CCDC7: variants seen among roughly 807,000 people sequenced by gnomAD.
CCDC7 encodes coiled-coil domain-containing protein 7.
CCDC7 carries 183 observed loss-of-function variants against 196.9 expected under a neutral mutation model. That is an observed-to-expected ratio of 0.93 (90% CI 0.82 to 1.05). CCDC7 has a LOEUF of 1.05. CCDC7 is among the 50% of genes least tolerant of loss of function. The pLI, the probability that CCDC7 is intolerant of heterozygous loss-of-function variation, is 0.00. For synonymous variants in CCDC7, 525 were observed against 484.6 expected (o/e 1.08, Z -1.10); for missense variants, 1,540 against 1,482.2 (o/e 1.04, Z -0.64).
intron 41 of CCDC7, among the ~76,000 whole-genome samples, chr10:32,856,613 T>C (rs946844396): frequency 2.0e-5 from 3 of 152,112 alleles, no homozygotes; most frequent in Non-Finnish European, 4.4e-5. Flanking sequence ...GACCTTGCTG[T>C]CACTGCACCT....
chr10:32,682,069 A>T (rs3003972), intron 21 of CCDC7, among the ~76,000 whole-genome samples: 52,106 of 151,980 alleles, frequency 0.34, 11,338 homozygotes, highest in Non-Finnish European at 0.49. Flanking sequence ...GGTTTATTAC[A>T]TGGCTATATT....
intron 28 of CCDC7, among the ~76,000 whole-genome samples, chr10:32,751,959 C>T (rs1380595523): frequency 6.6e-6 from 1 of 152,136 alleles, no homozygotes; most frequent in Non-Finnish European, 1.5e-5. Flanking sequence ...AGGCAGTTCG[C>T]TTGCCTCTGT....
At chr10:32,733,289 G>C (rs2084293647) in intron 28 of CCDC7, among the ~76,000 whole-genome samples, 1 of 152,056 alleles carries the variant, frequency 6.6e-6, no homozygotes, top group Non-Finnish European at 1.5e-5. Flanking sequence ...CAAAACATGA[G>C]AGAAAATATT....
At chr10:32,723,810 G>C (rs187077507) in intron 25 of CCDC7, among the ~76,000 whole-genome samples, 11 of 152,094 alleles carry the variant, frequency 7.2e-5, no homozygotes, top group South Asian at 6.2e-4. Flanking sequence ...ACTCCAAAGG[G>C]CTCTACATTC....
chr10:32,711,866 C>T (rs1205600708), intron 25 of CCDC7, 136 bp downstream of exon 26: 3 of 456,834 alleles, frequency 6.6e-6, no homozygotes, highest in Non-Finnish European at 1.1e-5. Flanking sequence ...TCTAACATAA[C>T]TCAAGAAAGA....
intron 28 of CCDC7, among the ~76,000 whole-genome samples, chr10:32,774,423 C>T (rs187698953): frequency 6.6e-6 from 1 of 152,248 alleles, no homozygotes; most frequent in East Asian, 1.9e-4. Flanking sequence ...ACATTCACCT[C>T]CAATTTCCTC....
At chr10:32,569,988 C>T (rs2057354288) in intron 15 of CCDC7, among the ~76,000 whole-genome samples, 1 of 152,092 alleles carries the variant, frequency 6.6e-6, no homozygotes, top group African/African-American at 2.4e-5. Context: ...TATACTCTTT[C>T]TGAACATGCT....
At chr10:32,577,988 A>T (rs1264971531) in intron 16 of CCDC7, among the ~76,000 whole-genome samples, 1 of 152,120 alleles carries the variant, frequency 6.6e-6, no homozygotes, top group Non-Finnish European at 1.5e-5. Flanking sequence ...ATGACAAATA[A>T]CTTGAAGTAT....
intron 20 of CCDC7, among the ~76,000 whole-genome samples, chr10:32,655,113 T>C (rs1357346545): frequency 6.6e-6 from 1 of 152,194 alleles, no homozygotes; most frequent in African/African-American, 2.4e-5. Flanking sequence ...GGTTATTCTC[T>C]AGGAATGGTG....
rs376304131 is a variant in CCDC7 at position 32,755,846 on chromosome 10, C to T, written c.2906-23131C>T. Among the ~76,000 whole-genome samples, 7 of 152,178 alleles carry T rather than the reference C, an allele frequency of 4.6e-5. No homozygotes were observed. The East Asian group carries it at 7.7e-4, about 17-fold the overall frequency. On this transcript the variant is annotated intron_variant, in intron 28 of 41. Coordinates refer to ENST00000639629, the Ensembl canonical transcript of CCDC7. ...GGATATTCAAACCCATCACAAGAAG[C>T]TAAAAACCTTGAAAAAAGATGAGAC...
chr10:32,557,542 T>G (rs1359791574), intron 13 of CCDC7, among the ~76,000 whole-genome samples: 7 of 152,172 alleles, frequency 4.6e-5, no homozygotes. Flanking sequence ...AAAATCTTTG[T>G]TGTTTGTATT....
chr10:32,565,775 G>T (rs569201801), intron 14 of CCDC7, among the ~76,000 whole-genome samples, 155 bp downstream of exon 15: 21 of 152,086 alleles, frequency 1.4e-4, no homozygotes, highest in African/African-American at 5.1e-4. Flanking sequence ...TGCATTAGGG[G>T]TATATTAATA....
intron 9 of CCDC7, among the ~76,000 whole-genome samples, chr10:32,507,363 C>T (rs1272783198): frequency 6.6e-6 from 1 of 152,054 alleles, no homozygotes; most frequent in South Asian, 2.1e-4. Flanking sequence ...AAAATCCATT[C>T]AGCCACTTGA....
chr10:32,641,537 C>G (rs532788536), intron 20 of CCDC7, among the ~76,000 whole-genome samples: 48 of 152,290 alleles, frequency 3.2e-4, no homozygotes, highest in African/African-American at 1.1e-3. Flanking sequence ...ATTGGTTATT[C>G]TAGTTAGCCA....
chr10:32,685,513 T>A (rs2076366367), intron 21 of CCDC7, among the ~76,000 whole-genome samples: 1 of 152,160 alleles, frequency 6.6e-6, no homozygotes. Flanking sequence ...AAGCAGAAAC[T>A]AAGAATCCAT....
chr10:32,675,712 C>T (rs2140900577), intron 21 of CCDC7: 1 of 152,392 alleles, frequency 6.6e-6, no homozygotes, highest in African/African-American at 2.4e-5. Flanking sequence ...GAACTACAAA[C>T]CACTGCTCAA....
Position 32,851,728 on chromosome 10 carries a change from C to T in CCDC7, c.3896-79C>T, listed in dbSNP as rs547272473. The T allele has an allele frequency of 8.4e-6, 11 of 1,310,202 alleles. No homozygotes were observed. The South Asian group carries it at 1.4e-4, about 17-fold the overall frequency. 81.2% of individuals were successfully genotyped at this position (1,310,202 alleles called of 1,614,324 possible). A position where few individuals can be genotyped will look rare whatever the true frequency, so the allele number is the denominator to read the frequency against. On this transcript the variant is annotated intron_variant, in intron 39 of 41. Transcript: ENST00000639629. ...TATTTAGATGCTTTGATGTTGTGTGCATATATACTGTGTGAGTATTAAAAA... is the reference window on the plus strand; with the variant it reads ...TATTTAGATGCTTTGATGTTGTGTGTATATATACTGTGTGAGTATTAAAAA...
At chr10:32,590,987 A>T (rs556921904) in intron 18 of CCDC7, among the ~76,000 whole-genome samples, 1 of 152,158 alleles carries the variant, frequency 6.6e-6, no homozygotes, top group African/African-American at 2.4e-5. Context: ...ATCTGTTTCT[A>T]TAACATTCTT....
At chr10:32,544,349 T>C in intron 13 of CCDC7, 48 bp downstream of exon 14, 1 of 1,558,896 alleles carries the variant, frequency 6.4e-7, no homozygotes, top group Non-Finnish European at 8.8e-7. Flanking sequence ...TAATACTTGC[T>C]CTGATAGTCA....
Sources: allele counts gnomAD v4.1 joint callset (sites outside exome capture counted in the v4.1 genomes callset), GRCh38; gene constraint gnomAD v4.1.1; transcripts MANE v1.5; gene names NCBI Gene and HGNC (gene_info 2026-07-23, HGNC 2026-07-21).